The following CDC42BPA variants were observed in gnomAD, a reference collection of about 807,000 sequenced individuals.
CDC42BPA encodes CDC42 binding protein kinase alpha.
CDC42BPA carries 80 observed loss-of-function variants against 223.5 expected under a neutral mutation model. That is an observed-to-expected ratio of 0.36 (90% CI 0.30 to 0.43). The LOEUF is 0.43. Among genes scored for constraint, CDC42BPA ranks in the 20% least tolerant of loss-of-function variants. CDC42BPA has a pLI of 1.00. For synonymous variants in CDC42BPA, 694 were observed against 718.6 expected (o/e 0.97, Z 0.55); for missense variants, 1,743 against 2,099.9 (o/e 0.83, Z 3.32).
At chr1:227,172,638 A>C (rs540676462) in intron 5 of CDC42BPA, among the ~76,000 whole-genome samples, 22 of 152,252 alleles carry the variant, frequency 1.4e-4, no homozygotes, top group Admixed American at 7.2e-4. Flanking sequence ...GGAAGGAAGA[A>C]GTCCTACCAT....
intron 2 of CDC42BPA, among the ~76,000 whole-genome samples, chr1:227,222,283 C>T (rs1427059294): frequency 6.6e-6 from 1 of 151,708 alleles, no homozygotes; most frequent in African/African-American, 2.4e-5. Flanking sequence ...CCAAGGAAGG[C>T]GGATCACTTA....
At chr1:227,061,338 G>A (rs535224297) in intron 21 of CDC42BPA, among the ~76,000 whole-genome samples, 11 of 152,062 alleles carry the variant, frequency 7.2e-5, no homozygotes, top group Non-Finnish European at 1.3e-4. Context: ...CAGAGTATAT[G>A]CAGATCGTTT....
chr1:227,073,622 T>A (rs1211202705), intron 19 of CDC42BPA, among the ~76,000 whole-genome samples: 4 of 152,098 alleles, frequency 2.6e-5, no homozygotes, highest in Non-Finnish European at 5.9e-5. Flanking sequence ...AATTAAATAA[T>A]GGAATATTAT....
At chr1:227,228,656 T>TA (rs1378985185) in intron 2 of CDC42BPA, among the ~76,000 whole-genome samples, 1 of 145,840 alleles carries the variant, frequency 6.9e-6, no homozygotes, top group African/African-American at 2.5e-5. Flanking sequence ...CAGCAATGCA[T>TA]AAGCTTTCCA....
At chr1:227,098,184 AC>A (rs1684369817) in intron 15 of CDC42BPA, among the ~76,000 whole-genome samples, 1 of 152,126 alleles carries the variant, frequency 6.6e-6, no homozygotes, top group Non-Finnish European at 1.5e-5. Flanking sequence ...TGTCATTCTC[AC>A]TGCCCTTTCT....
At chr1:227,093,910 C>T (rs1263638622) in intron 15 of CDC42BPA, among the ~76,000 whole-genome samples, 1 of 152,202 alleles carries the variant, frequency 6.6e-6, no homozygotes, top group Non-Finnish European at 1.5e-5. Context: ...GAAGCAATCT[C>T]ATCCCCTTCC....
chr1:227,197,261 G>A (rs527481408), intron 4 of CDC42BPA, among the ~76,000 whole-genome samples: 35 of 152,000 alleles, frequency 2.3e-4, no homozygotes, highest in African/African-American at 8.2e-4. Context: ...TAGCTTTGTC[G>A]ACATTTTTTA....
chr1:227,133,646 A>G (rs915483082), intron 10 of CDC42BPA, among the ~76,000 whole-genome samples: 261 of 152,194 alleles, frequency 1.7e-3, no homozygotes, highest in Non-Finnish European at 3.0e-3. Flanking sequence ...TTGGGATCCT[A>G]TTGATCTGTG....
chr1:227,005,442 G>A (rs779895700), intron 34 of CDC42BPA, among the ~76,000 whole-genome samples: 2 of 152,174 alleles, frequency 1.3e-5, no homozygotes, highest in Non-Finnish European at 2.9e-5. Flanking sequence ...GACATTTGCC[G>A]ATAACTGAAA....
chr1:227,016,255 G>GA (rs1245922761), intron 33 of CDC42BPA, 58 bp from the exon 34 acceptor site: 1 of 899,592 alleles, frequency 1.1e-6, no homozygotes, highest in Non-Finnish European at 1.8e-6. Context: ...TGTAGCTTAT[G>GA]AAAAAAATTA....
At chr1:227,287,648 C>G (rs1339911995) in intron 1 of CDC42BPA, among the ~76,000 whole-genome samples, 8 of 152,098 alleles carry the variant, frequency 5.3e-5, no homozygotes. Flanking sequence ...AGAGGCTAGG[C>G]AGAGGGTTCC....
chr1:227,110,458 T>C (rs531927352), intron 14 of CDC42BPA, among the ~76,000 whole-genome samples: 4 of 152,300 alleles, frequency 2.6e-5, no homozygotes, highest in Non-Finnish European at 4.4e-5. Context: ...GTAATGTTTA[T>C]TGTAGAAAAA....
At chr1:227,235,557 AC>A (rs1217798406) in intron 2 of CDC42BPA, among the ~76,000 whole-genome samples, 1 of 152,156 alleles carries the variant, frequency 6.6e-6, no homozygotes, top group East Asian at 1.9e-4. Context: ...ACTAAACCAA[AC>A]TTTTGTGTAT....
chr1:227,064,800 A>T (rs937178079), intron 21 of CDC42BPA, among the ~76,000 whole-genome samples: 12 of 152,112 alleles, frequency 7.9e-5, no homozygotes, highest in African/African-American at 2.9e-4. Flanking sequence ...ATTTCTTTTA[A>T]AATTAACTCA....
intron 16 of CDC42BPA, among the ~76,000 whole-genome samples, chr1:227,085,239 C>CTAACTAATA (rs1180416217): frequency 6.6e-6 from 1 of 152,126 alleles, no homozygotes. Context: ...CTGTGGAACC[C>CTAACTAATA]TAACTAATAC....
Position 226,994,965 on chromosome 1 carries a change from T to C in CDC42BPA, c.4991A>G (p.Asn1664Ser). ...SGLSARSSAQ[N>S]GSALKREFSG... The stretch of plus-strand genomic sequence containing the variant: ...GAATTCCCTCTTTAATGCGCTGCCA[T>C]TCTGTGCGGATGACCCTACAGTACA... The change falls in exon 36 of 37, where the codon AAT becomes AGT. Residue 1664 changes from asparagine to serine, a missense_variant. Coordinates refer to ENST00000366766, the MANE Select transcript of CDC42BPA (RefSeq NM_001394014.1). The surrounding 1 kb of genome is among the most constrained non-coding windows in gnomAD (Gnocchi z 4.0). 1 of 1,614,058 alleles carries C rather than the reference T, an allele frequency of 6.2e-7. No homozygotes were observed. The highest frequency in any genetic ancestry group is 8.5e-7 in the Non-Finnish European group (1 of 1,179,974).
At chr1:227,004,709 T>G (rs1663634226) in intron 35 of CDC42BPA, 1 of 458,570 alleles carries the variant, frequency 2.2e-6, no homozygotes, top group Admixed American at 3.3e-5. Flanking sequence ...TATTCTCTAT[T>G]AATGTATGCT....
chr1:227,253,488 C>A (rs919368704), intron 2 of CDC42BPA, among the ~76,000 whole-genome samples: 1 of 151,962 alleles, frequency 6.6e-6, no homozygotes, highest in Admixed American at 6.6e-5. Context: ...CCCAGCTACT[C>A]GGGAGGCTGA....
chr1:227,045,714 A>G (rs76341559), intron 23 of CDC42BPA, among the ~76,000 whole-genome samples: 14,562 of 152,234 alleles, frequency 0.096, 871 homozygotes, highest in Middle Eastern at 0.16. Flanking sequence ...AATATTTATC[A>G]TATTTTCTTT....
Sources: allele counts gnomAD v4.1 joint callset (sites outside exome capture counted in the v4.1 genomes callset), GRCh38; gene constraint gnomAD v4.1.1; non-coding constraint Gnocchi (gnomAD v3.1); transcripts MANE v1.5; gene names NCBI Gene and HGNC (gene_info 2026-07-23, HGNC 2026-07-21).